SLC44A5: variants seen among roughly 807,000 people sequenced by gnomAD.
SLC44A5 encodes the protein choline transporter-like protein 5.
Under a neutral mutation model 101.8 loss-of-function variants are expected in SLC44A5, and 57 were observed. The ratio of observed to expected loss-of-function variants is 0.56; its 90% CI spans 0.45 to 0.70. The LOEUF is 0.70. Ranked by LOEUF, SLC44A5 falls within the 30% of genes least tolerant of loss-of-function variation. The pLI, the probability that SLC44A5 is intolerant of heterozygous loss-of-function variation, is 0.00. For missense variants in SLC44A5, 737 were observed against 853.1 expected (o/e 0.86, Z 1.70); for synonymous variants, 281 against 290.9 (o/e 0.97, Z 0.35).
At chr1:75,489,108 A>G (rs565475470) in intron 2 of SLC44A5, among the ~76,000 whole-genome samples, 1 of 152,272 alleles carries the variant, frequency 6.6e-6, no homozygotes, top group East Asian at 1.9e-4. Context: ...TCAGCCTCCC[A>G]AAGTGTTGGG....
chr1:75,342,513 G>A lies in SLC44A5; in HGVS notation c.53-2883C>T, dbSNP rs74763746. On this transcript the variant is annotated intron_variant, in intron 3 of 23. Transcript: ENST00000370859. ...CTAGCTCACTCAGCTAACAAGAGGCGGAGGTGGCATTGGAAGGCAGACTGT... is the reference window on the plus strand; with the variant it reads ...CTAGCTCACTCAGCTAACAAGAGGCAGAGGTGGCATTGGAAGGCAGACTGT... 3.0e-3 allele frequency among the ~76,000 whole-genome samples: 444 copies of A among 150,134 alleles called. 8 individuals are homozygous for A. In the East Asian group the frequency reaches 0.056, roughly 19 times the overall value.
intron 3 of SLC44A5, among the ~76,000 whole-genome samples, chr1:75,390,265 T>C (rs866498938): frequency 2.0e-4 from 31 of 151,972 alleles, no homozygotes; most frequent in African/African-American, 6.8e-4. Context: ...CTGAAACTAT[T>C]CCAAAAAATC....
At position 75,307,779 on chromosome 1, in the gene SLC44A5, G is replaced by A. The variant is rs923188422; in HGVS notation, c.102-7094C>T. On this transcript the variant is annotated intron_variant, in intron 4 of 23. Transcript: ENST00000370859. ...TCTGTTCCCCAATCCACAGCTTGAG[G>A]TTATGCCGCACACCATTCTTTGTGT... Among the ~76,000 whole-genome samples, 57 of 152,174 alleles carry A rather than the reference G, an allele frequency of 3.7e-4. 1 individual carries two copies. Among genetic ancestry groups the A allele is most frequent in the African/African-American group, 1.2e-3 (49 of 41,520 alleles).
rs144957533 is a variant in SLC44A5, at chr1:75,556,828, A to G, written c.-69-15312T>C. 2.4e-3 allele frequency among the ~76,000 whole-genome samples: 358 copies of G among 152,164 alleles called. 3 individuals are homozygous for G. Among genetic ancestry groups the G allele is most frequent in the African/African-American group, 7.9e-3 (327 of 41,554 alleles). ...AGTGTACTACCTTCCTCATAGTTAT[A>G]TGATCGCTGCTATATCTTCTGGAAT... On this transcript the variant is annotated intron_variant, in intron 1 of 23. Coordinates refer to ENST00000370859, the MANE Select transcript of SLC44A5 (RefSeq NM_001130058.2).
intron 1 of SLC44A5, among the ~76,000 whole-genome samples, chr1:75,542,458 A>T (rs1214630792): frequency 6.6e-6 from 1 of 152,132 alleles, no homozygotes; most frequent in Admixed American, 6.6e-5. Flanking sequence ...AATTATTTCC[A>T]TACTGTTGGA....
the SLC44A5 span, among the ~76,000 whole-genome samples, chr1:75,664,558 C>T: frequency 1.3e-4 from 19 of 151,826 alleles, no homozygotes; most frequent in African/African-American, 4.6e-4. Flanking sequence ...TTACAATGGC[C>T]ACAAAAAATA....
intron 2 of SLC44A5, among the ~76,000 whole-genome samples, chr1:75,496,409 G>A (rs1443240242): frequency 2.0e-5 from 3 of 151,814 alleles, no homozygotes; most frequent in Non-Finnish European, 4.4e-5. Flanking sequence ...CATATGCAAA[G>A]AAAAGAAAAA....
chr1:75,662,133 G>GGT, the SLC44A5 span, among the ~76,000 whole-genome samples: 748 of 151,824 alleles, frequency 4.9e-3, 6 homozygotes, highest in African/African-American at 0.017. Flanking sequence ...ATGAAAATAT[G>GGT]GTATATATAT....
chr1:75,490,930 T>TTA (rs1557841923), intron 2 of SLC44A5, among the ~76,000 whole-genome samples: 1 of 147,926 alleles, frequency 6.8e-6, no homozygotes, highest in African/African-American at 2.5e-5. Flanking sequence ...TCTACTTTTT[T>TTA]AAAAAAAAAA....
the SLC44A5 span, among the ~76,000 whole-genome samples, chr1:75,654,529 T>A: frequency 6.6e-6 from 1 of 152,106 alleles, no homozygotes; most frequent in Non-Finnish European, 1.5e-5. Context: ...CCTAGAAACA[T>A]GATAAAAGGG....
At chr1:75,418,285 G>A (rs1434368674) in intron 2 of SLC44A5, among the ~76,000 whole-genome samples, 2 of 152,118 alleles carry the variant, frequency 1.3e-5, no homozygotes, top group African/African-American at 2.4e-5. Flanking sequence ...AGGAATACAA[G>A]AACGTACAAA....
chr1:75,562,822 G>T (rs1302779678), intron 1 of SLC44A5, among the ~76,000 whole-genome samples: 1 of 151,992 alleles, frequency 6.6e-6, no homozygotes, highest in African/African-American at 2.4e-5. Context: ...TTTCTTAGTG[G>T]TCTATTATTT....
chr1:75,395,578 A>C (rs1662072852), intron 3 of SLC44A5, among the ~76,000 whole-genome samples: 1 of 152,174 alleles, frequency 6.6e-6, no homozygotes, highest in African/African-American at 2.4e-5. Context: ...GGTAAAATTA[A>C]AGTACATGAG....
intron 12 of SLC44A5, among the ~76,000 whole-genome samples, chr1:75,232,500 A>G (rs949165079): frequency 6.6e-6 from 1 of 152,076 alleles, no homozygotes; most frequent in African/African-American, 2.4e-5. Flanking sequence ...TTCCTGGACC[A>G]GACTGATCCA....
Position 75,218,621 on chromosome 1 carries a change from C to A in SLC44A5, c.1398G>T (p.Trp466Cys). Residue 466 changes from tryptophan (W) to cysteine (C), a missense_variant, in exon 17 of 24, where the codon TGG becomes TGT. Trp to Cys is a radical substitution (Grantham distance 215). This residue lies in a region of SLC44A5 where 665 missense variants were observed against 764.4 expected (regional missense o/e 0.87). Transcript: ENST00000370859. The stretch of plus-strand genomic sequence containing the variant: ...CTAATGCAATGACGAAGTTTATAAG[C>A]CAGAGAAAGACAAATAAGTTGTATA... ...FHVYNLFVFL[W>C]LINFVIALGQ... is the part of the protein sequence containing the mutation. 6.2e-7 allele frequency: 1 copy of A among 1,613,718 alleles called. No individual in the cohort carries two copies. The highest frequency in any genetic ancestry group is 1.3e-5 in the African/African-American group (1 of 74,976).
chr1:75,696,310 C>T, the SLC44A5 span, among the ~76,000 whole-genome samples: 8 of 151,892 alleles, frequency 5.3e-5, no homozygotes, highest in South Asian at 1.0e-3. Context: ...ACAAGTCACA[C>T]GACCACACTC....
chr1:75,650,394 C>T, the SLC44A5 span, among the ~76,000 whole-genome samples: 4 of 152,106 alleles, frequency 2.6e-5, no homozygotes. Flanking sequence ...TGGGAAGGCA[C>T]AAAATGCCAC....
intron 3 of SLC44A5, among the ~76,000 whole-genome samples, chr1:75,373,283 G>A (rs1024983542): frequency 1.3e-5 from 2 of 152,048 alleles, no homozygotes; most frequent in Non-Finnish European, 1.5e-5. Flanking sequence ...GAGGAAACTG[G>A]GAAGCCTGCA....
rs547701685 is a variant in SLC44A5, at chr1:75,233,964, T to C, written c.853+22A>G. The C allele has an allele frequency of 4.0e-6, 6 of 1,493,102 alleles. No homozygotes were observed. The South Asian group carries it at 5.8e-5, about 14-fold the overall frequency. 92.5% of individuals were successfully genotyped at this position (1,493,102 alleles called of 1,614,324 possible). ...AAAGGATTATTCTGATATTTGATAATTTGAAGAGGAGTGATACCTACCATA... is the reference window on the plus strand; with the variant it reads ...AAAGGATTATTCTGATATTTGATAACTTGAAGAGGAGTGATACCTACCATA... On this transcript the variant is annotated intron_variant, in intron 12 of 23. Transcript: ENST00000370859.
Sources: gnomAD v4.1 joint callset for allele counts (sites outside exome capture counted in the v4.1 genomes callset) on GRCh38, gnomAD v4.1.1 for gene constraint, gnomAD v4.1.1 regional missense constraint, MANE v1.5 for transcripts, NCBI Gene and HGNC (gene_info 2026-07-23, HGNC 2026-07-21) for gene names.